UMAD1: variants seen among roughly 807,000 people sequenced by gnomAD.
UMAD1 encodes UBAP1-MVB12-associated (UMA) domain containing 1, also known as UBAP1-MVB12-associated (UMA)-domain containing protein 1.
In UMAD1, 8 loss-of-function variants were observed where a neutral mutation model predicts 6.1. The ratio of observed to expected loss-of-function variants is 1.30; its 90% confidence interval spans 0.76 to 2.35. The LOEUF (loss-of-function observed/expected upper bound fraction) is 2.35, where lower values mean the gene tolerates loss of function less well. Ranked by LOEUF, UMAD1 falls within the 30% of genes most tolerant of loss-of-function variation. The pLI, the probability that UMAD1 is intolerant of heterozygous loss-of-function variation, is 0.00. For missense variants in UMAD1, 130 were observed against 78.4 expected (o/e 1.66, Z -2.49); for synonymous variants, 56 against 31.4 (o/e 1.78, Z -2.61).
intron 2 of UMAD1, among the ~76,000 whole-genome samples, chr7:7,784,668 G>C (rs1013735784): frequency 2.7e-5 from 4 of 150,930 alleles, no homozygotes; most frequent in African/African-American, 9.7e-5. Context: ...TTGAGGAAAA[G>C]TGCTATATCA....
intron 3 of UMAD1, among the ~76,000 whole-genome samples, chr7:7,846,875 G>T (rs1182239367): frequency 8.0e-6 from 1 of 124,378 alleles, no homozygotes; most frequent in African/African-American, 3.2e-5. Flanking sequence ...ATGGACACAG[G>T]AAGGGGAATA....
chr7:7,859,153 C>T (rs1434653969), intron 3 of UMAD1, among the ~76,000 whole-genome samples: 1 of 152,086 alleles, frequency 6.6e-6, no homozygotes, highest in African/African-American at 2.4e-5. Context: ...GATTTCAAGG[C>T]ATATATTATA....
chr7:7,739,431 T>G (rs527816256), intron 2 of UMAD1, among the ~76,000 whole-genome samples: 9 of 152,340 alleles, frequency 5.9e-5, no homozygotes, highest in Non-Finnish European at 1.2e-4. Context: ...AATAGTTTTG[T>G]TTTGTTTTGG....
At chr7:7,871,805 G>T (rs1242205465) in intron 3 of UMAD1, among the ~76,000 whole-genome samples, 1 of 151,224 alleles carries the variant, frequency 6.6e-6, no homozygotes, top group Non-Finnish European at 1.5e-5. Flanking sequence ...ATACATTCTT[G>T]TCCTCAAGGA....
chr7:7,801,421 C>T (rs192352663), intron 2 of UMAD1, among the ~76,000 whole-genome samples: 4 of 152,138 alleles, frequency 2.6e-5, no homozygotes, highest in African/African-American at 9.6e-5. Context: ...TTTGATTTTT[C>T]CAGAGTAAAT....
chr7:7,650,979 G>T (rs989842950), intron 1 of UMAD1, among the ~76,000 whole-genome samples: 1 of 152,046 alleles, frequency 6.6e-6, no homozygotes, highest in Non-Finnish European at 1.5e-5. Flanking sequence ...CCCCATATTT[G>T]CTCTCTTAAA....
chr7:7,788,191 A>G (rs62434076), intron 2 of UMAD1, among the ~76,000 whole-genome samples: 12,962 of 152,298 alleles, frequency 0.085, 771 homozygotes, highest in Middle Eastern at 0.14. Flanking sequence ...GTGATTGCAT[A>G]TGTGTGAAGT....
chr7:7,822,961 C>G (rs1004902159), intron 3 of UMAD1, among the ~76,000 whole-genome samples: 4 of 151,748 alleles, frequency 2.6e-5, no homozygotes, highest in Admixed American at 6.6e-5. Context: ...TTTCAGAATA[C>G]TTGTCTGTGA....
intron 2 of UMAD1, among the ~76,000 whole-genome samples, chr7:7,776,004 T>C (rs140000233): frequency 1.3e-5 from 2 of 152,318 alleles, no homozygotes; most frequent in East Asian, 3.9e-4. Flanking sequence ...TTCACAAATA[T>C]ATATAAACTC....
chr7:7,645,052 T>A (rs1325461782), intron 1 of UMAD1, among the ~76,000 whole-genome samples: 1 of 152,250 alleles, frequency 6.6e-6, no homozygotes, highest in Non-Finnish European at 1.5e-5. Context: ...TTTGTTGCTA[T>A]TATGAATGGT....
chr7:7,685,282 G>C lies in UMAD1; in HGVS notation c.82+11829G>C, dbSNP rs1053601453. ...GCATGCAACCAATGCATATTATGAA[G>C]GGAAGAATTATTATTGGGTTTACAC... On this transcript the variant is annotated intron_variant, in intron 2 of 3. Coordinates refer to ENST00000682710, the MANE Select transcript of UMAD1 (RefSeq NM_001302348.2). 2.0e-5 allele frequency among the ~76,000 whole-genome samples: 3 copies of C among 151,402 alleles called. No homozygotes were observed. In the Admixed American group the frequency reaches 2.0e-4, roughly 10 times the overall value.
intron 3 of UMAD1, among the ~76,000 whole-genome samples, chr7:7,825,041 C>T (rs1721134859): frequency 6.6e-6 from 1 of 152,090 alleles, no homozygotes; most frequent in Non-Finnish European, 1.5e-5. Flanking sequence ...TTGCCTTTGG[C>T]ACACTTTCCA....
chr7:7,870,712 G>A (rs917443817), intron 3 of UMAD1, among the ~76,000 whole-genome samples: 3 of 152,010 alleles, frequency 2.0e-5, no homozygotes, highest in African/African-American at 7.3e-5. Context: ...CTCTTGTTTT[G>A]GCTTATATTT....
At chr7:7,767,360 C>T (rs1004276795) in intron 2 of UMAD1, among the ~76,000 whole-genome samples, 1 of 150,576 alleles carries the variant, frequency 6.6e-6, no homozygotes, top group African/African-American at 2.4e-5. Flanking sequence ...CTCCTGACCT[C>T]ATGATCCGCC....
intron 3 of UMAD1, among the ~76,000 whole-genome samples, chr7:7,847,056 TAAAAAAAA>T (rs756458461): frequency 0.044 from 1,488 of 33,496 alleles, 164 homozygotes; most frequent in Middle Eastern, 0.058. Context: ...TAGAGTATAA[TAAAAAAAA>T]AAAAAAAAAA....
intron 2 of UMAD1, among the ~76,000 whole-genome samples, chr7:7,711,075 A>AGGATAACACTGG (rs1393974917): frequency 6.6e-6 from 1 of 152,186 alleles, no homozygotes; most frequent in Non-Finnish European, 1.5e-5. Flanking sequence ...TGGCTATAGA[A>AGGATAACACTGG]GGATAACACT....
chr7:7,762,258 C>T (rs966317096), intron 2 of UMAD1, among the ~76,000 whole-genome samples: 5 of 152,010 alleles, frequency 3.3e-5, no homozygotes, highest in African/African-American at 1.2e-4. Context: ...AACTTTCAAA[C>T]AAAATAATGA....
At chr7:7,812,897 C>T (rs1458777865) in intron 3 of UMAD1, among the ~76,000 whole-genome samples, 1 of 150,966 alleles carries the variant, frequency 6.6e-6, no homozygotes, top group African/African-American at 2.4e-5. Flanking sequence ...CTTCTTGAGA[C>T]TATATAGAGA....
chr7:7,859,674 G>A (rs1037623688), intron 3 of UMAD1, among the ~76,000 whole-genome samples: 6 of 152,166 alleles, frequency 3.9e-5, no homozygotes, highest in Non-Finnish European at 5.9e-5. Flanking sequence ...GGGTCATTGA[G>A]ACTTGAGACC....
Sources: allele counts gnomAD v4.1 joint callset (sites outside exome capture counted in the v4.1 genomes callset), GRCh38; gene constraint gnomAD v4.1.1; transcripts MANE v1.5; gene names NCBI Gene and HGNC (gene_info 2026-07-23, HGNC 2026-07-21).